The following SBF2 variants were observed in gnomAD, a reference collection of about 807,000 sequenced individuals.
SBF2 encodes the protein myotubularin-related protein 13.
Under a neutral mutation model 225.2 loss-of-function variants are expected in SBF2, and 112 were observed. The observed-to-expected ratio is 0.50, with a 90% CI of 0.43 to 0.58. The LOEUF (loss-of-function observed/expected upper bound fraction) is 0.58. Among genes scored for constraint, SBF2 ranks in the 20% least tolerant of loss-of-function variants. SBF2 has a pLI of 0.00. For missense variants in SBF2, 1,996 were observed against 2,206.2 expected (o/e 0.90, Z 1.91); for synonymous variants, 763 against 773.3 (o/e 0.99, Z 0.22).
intron 2 of SBF2, among the ~76,000 whole-genome samples, chr11:10,179,945 A>G (rs1342008822): frequency 6.6e-6 from 1 of 152,196 alleles, no homozygotes; most frequent in Admixed American, 6.5e-5. Flanking sequence ...CTTTAATGAC[A>G]AGTTAACACT....
chr11:10,064,103 A>G (rs1950552147), intron 2 of SBF2, among the ~76,000 whole-genome samples: 2 of 152,290 alleles, frequency 1.3e-5, no homozygotes, highest in South Asian at 2.1e-4. Flanking sequence ...TCTTTTAAAG[A>G]TGATTGACTA....
At chr11:10,063,858 C>CACACAGAGAGAG (rs373423157) in intron 2 of SBF2, among the ~76,000 whole-genome samples, 2,218 of 136,050 alleles carry the variant, frequency 0.016, 43 homozygotes, top group African/African-American at 0.042. Context: ...CACACACACA[C>CACACAGAGAGAG]AGAGAGAGAG....
rs537870356 is a variant in SBF2, at chr11:10,230,702, C to T, written c.56-36715G>A. Among the ~76,000 whole-genome samples, 3 of 152,250 alleles carry T rather than the reference C, an allele frequency of 2.0e-5. No homozygotes were observed. The East Asian group carries it at 5.8e-4, about 29-fold the overall frequency. On this transcript the variant is annotated intron_variant, in intron 1 of 39. Transcript: ENST00000256190. ...TCCGCTGTTAGTCTGATGGGCTTCC[C>T]TTTGTGGGTAACCCGACCTTTCTCT...
intron 2 of SBF2, among the ~76,000 whole-genome samples, chr11:10,073,601 C>A (rs1216969768): frequency 2.0e-5 from 3 of 152,106 alleles, no homozygotes; most frequent in Non-Finnish European, 4.4e-5. Context: ...CCTGTAGTCC[C>A]AGCTACTCAG....
chr11:9,936,473 A>C (rs1385625487), intron 16 of SBF2, among the ~76,000 whole-genome samples: 1 of 152,234 alleles, frequency 6.6e-6, no homozygotes, highest in Non-Finnish European at 1.5e-5. Context: ...AAAGGATTAT[A>C]AATCATGCTA....
chr11:9,934,971 G>C (rs964991930), intron 16 of SBF2, among the ~76,000 whole-genome samples: 9 of 152,166 alleles, frequency 5.9e-5, no homozygotes, highest in African/African-American at 2.2e-4. Context: ...TCAGGGAAGA[G>C]AAAGAAATAA....
intron 8 of SBF2, among the ~76,000 whole-genome samples, chr11:9,999,445 T>A (rs1947856513): frequency 6.6e-6 from 1 of 152,042 alleles, no homozygotes; most frequent in Non-Finnish European, 1.5e-5. Flanking sequence ...CTCACCCTCC[T>A]GAGTAGCTGG....
rs1486884297 is a variant in SBF2 at position 9,816,874 on chromosome 11, G to C, written c.3944C>G (p.Ala1315Gly). The change falls in exon 29 of 40, where the codon GCC (alanine) becomes GGC (glycine). Residue 1315 changes from alanine to glycine, a missense_variant. By Grantham distance (60) the Ala-to-Gly change is moderately conservative. Coordinates refer to ENST00000256190, the MANE Select transcript of SBF2 (RefSeq NM_030962.4). ...CGACTTTTCACCAAATATGTAAAGG[G>C]CTGCTTGCCGTTTCAAGAGCTGGTT... ...LQNQLLKRQA[A>G]LYIFGEKSQL... 3 of 1,613,984 alleles carry C rather than the reference G, an allele frequency of 1.9e-6. No homozygotes were observed. The South Asian group carries it at 3.3e-5, about 18-fold the overall frequency.
intron 2 of SBF2, among the ~76,000 whole-genome samples, chr11:10,054,783 C>T (rs75345963): frequency 0.068 from 10,347 of 152,024 alleles, 521 homozygotes; most frequent in East Asian, 0.28. Flanking sequence ...GATATACAAA[C>T]GGCCAGGAAA....
chr11:10,173,723 A>G (rs972675085), intron 2 of SBF2, among the ~76,000 whole-genome samples: 5 of 151,456 alleles, frequency 3.3e-5, no homozygotes, highest in Non-Finnish European at 7.4e-5. Flanking sequence ...CAGACAAACA[A>G]AAAGACAGCA....
intron 32 of SBF2, among the ~76,000 whole-genome samples, chr11:9,807,289 T>C (rs145633538): frequency 6.6e-6 from 1 of 152,300 alleles, no homozygotes; most frequent in East Asian, 1.9e-4. Context: ...CTGATGTGCC[T>C]GCGATGAAGG....
chr11:10,059,781 T>G (rs957200712), intron 2 of SBF2, among the ~76,000 whole-genome samples: 1 of 152,166 alleles, frequency 6.6e-6, no homozygotes, highest in Non-Finnish European at 1.5e-5. Context: ...TGAGTGATTT[T>G]GGGGTAAATA....
intron 6 of SBF2, among the ~76,000 whole-genome samples, chr11:10,026,963 AT>A (rs898078029): frequency 3.3e-5 from 5 of 152,118 alleles, no homozygotes; most frequent in African/African-American, 1.2e-4. Flanking sequence ...GGGAGATGTA[AT>A]TTTTTAATTG....
At chr11:10,268,451 T>C (rs1423593269) in intron 1 of SBF2, among the ~76,000 whole-genome samples, 2 of 152,176 alleles carry the variant, frequency 1.3e-5, no homozygotes, top group African/African-American at 2.4e-5. Flanking sequence ...TTGTAAATTA[T>C]TAATACAGTA....
chr11:9,887,489 G>A (rs1860432134), intron 17 of SBF2, among the ~76,000 whole-genome samples: 1 of 152,082 alleles, frequency 6.6e-6, no homozygotes, highest in Admixed American at 6.6e-5. Context: ...AGTGGGAGAA[G>A]CCAGGAGAGG....
chr11:9,985,717 C>T (rs1245468623), intron 13 of SBF2, among the ~76,000 whole-genome samples: 1 of 152,158 alleles, frequency 6.6e-6, no homozygotes, highest in Non-Finnish European at 1.5e-5. Flanking sequence ...AAGGCCTTCT[C>T]CAGCAGGAAA....
chr11:10,085,600 T>C (rs1951534625), intron 2 of SBF2, among the ~76,000 whole-genome samples: 1 of 152,240 alleles, frequency 6.6e-6, no homozygotes, highest in Admixed American at 6.5e-5. Flanking sequence ...ACATTCGGTA[T>C]GAACATATTT....
At chr11:10,017,879 T>C (rs1389883849) in intron 6 of SBF2, among the ~76,000 whole-genome samples, 2 of 152,182 alleles carry the variant, frequency 1.3e-5, no homozygotes, top group Non-Finnish European at 2.9e-5. Flanking sequence ...GTGCAGCATC[T>C]TTACTTCCTT....
chr11:10,297,943 C>T (rs1396102498), upstream of SBF2, among the ~76,000 whole-genome samples: 1 of 152,252 alleles, frequency 6.6e-6, no homozygotes. Flanking sequence ...CCAGACCATC[C>T]CCTACAATAA....
Sources: allele counts gnomAD v4.1 joint callset (sites outside exome capture counted in the v4.1 genomes callset), GRCh38; gene constraint gnomAD v4.1.1; transcripts MANE v1.5; gene names NCBI Gene and HGNC (gene_info 2026-07-23, HGNC 2026-07-21).